The following MYO9B variants were observed in gnomAD, a reference collection of about 807,000 sequenced individuals.
The protein encoded by MYO9B is myosin IXB, also known as unconventional myosin-IXb.
A neutral mutation model predicts 229.5 loss-of-function variants in MYO9B; 71 were observed. The ratio of observed to expected loss-of-function variants is 0.31; its 90% CI spans 0.26 to 0.38. MYO9B has a LOEUF of 0.38. Among genes scored for constraint, MYO9B ranks in the 10% least tolerant of loss-of-function variants. The pLI is 1.00. For missense variants in MYO9B, 2,255 were observed against 2,920.5 expected (o/e 0.77, Z 5.25); for synonymous variants, 1,185 against 1,235.8 (o/e 0.96, Z 0.86).
At chr19:17,160,666 C>G (rs567033036) in intron 8 of MYO9B, among the ~76,000 whole-genome samples, 166 of 151,606 alleles carry the variant, frequency 1.1e-3, no homozygotes, top group African/African-American at 3.8e-3. Flanking sequence ...CGCCACTAGG[C>G]CTGGCTAATT....
intron 2 of MYO9B, 60 bp from the exon 3 acceptor site, chr19:17,145,337 A>G: frequency 6.9e-7 from 1 of 1,456,072 alleles, no homozygotes; most frequent in South Asian, 1.2e-5. Flanking sequence ...AATGAGAGGA[A>G]AAAAAAGAAA....
At chr19:17,201,883 C>T (rs2073109797) in intron 26 of MYO9B, 43 bp from the exon 27 acceptor site, 2 of 1,515,298 alleles carry the variant, frequency 1.3e-6, no homozygotes, top group African/African-American at 1.4e-5. Context: ...TACGCAGGTC[C>T]CCAGGCCTGA....
At chr19:17,109,307 C>T (rs912013654) in intron 2 of MYO9B, among the ~76,000 whole-genome samples, 1 of 149,776 alleles carries the variant, frequency 6.7e-6, no homozygotes, top group Middle Eastern at 3.7e-3. Context: ...CCTCGTGGTC[C>T]GCCCACCTCA....
chr19:17,092,364 G>T (rs2057645978), intron 1 of MYO9B, among the ~76,000 whole-genome samples: 1 of 152,370 alleles, frequency 6.6e-6, no homozygotes, highest in South Asian at 2.1e-4. Flanking sequence ...ACATACACAG[G>T]TGTACGCATG....
intron 18 of MYO9B, 37 bp downstream of exon 18, chr19:17,186,038 A>G: frequency 1.3e-6 from 2 of 1,585,402 alleles, no homozygotes; most frequent in South Asian, 1.1e-5. Context: ...GAGAAGGCCC[A>G]TGCCGGACTC....
chr19:17,096,768 T>C (rs1338513556), intron 1 of MYO9B, among the ~76,000 whole-genome samples: 1 of 144,940 alleles, frequency 6.9e-6, no homozygotes, highest in African/African-American at 2.5e-5. Flanking sequence ...TGCAGTGGCA[T>C]GATCTCAGCT....
intron 15 of MYO9B, 149 bp from the exon 16 acceptor site, chr19:17,183,680 G>A: frequency 3.2e-6 from 2 of 632,214 alleles, no homozygotes; most frequent in South Asian, 4.0e-5. Flanking sequence ...TGGAGAGGTG[G>A]CGGTGGCCTT....
At position 17,211,905 on chromosome 19, in the gene MYO9B, G is replaced by A. The variant is rs375938399; in HGVS notation, c.6069G>A (p.Ala2023=). 8.8e-5 allele frequency: 139 copies of A among 1,580,154 alleles called. No homozygotes were observed. The African/African-American group carries it at 1.6e-3, about 19-fold the overall frequency. ...AGRGASEGPP[A]PALPCPGAPT... is the part of the protein sequence containing the mutation. ...TCTGTCTCTCAAAAGGGCCCCCTGC[G>A]CCTGCTCTCCCTTGCCCCGGCGCGC... Residue 2023 remains alanine, a synonymous_variant, in exon 40 of 40, where the codon GCG becomes GCA. Transcript: ENST00000682292.
intron 2 of MYO9B, among the ~76,000 whole-genome samples, chr19:17,116,144 C>T (rs892544018): frequency 2.0e-5 from 3 of 152,136 alleles, no homozygotes; most frequent in African/African-American, 7.2e-5. Context: ...ATCAGCAGGC[C>T]CCATCTCTTG....
intron 23 of MYO9B, 159 bp from the exon 24 acceptor site, chr19:17,198,025 G>A (rs948089332): frequency 3.4e-5 from 45 of 1,325,328 alleles, no homozygotes; most frequent in Admixed American, 7.1e-5. Context: ...CCAGGCCACT[G>A]CACTCCAGCC....
chr19:17,158,838 G>A (rs1012671220), intron 7 of MYO9B, among the ~76,000 whole-genome samples: 1 of 152,206 alleles, frequency 6.6e-6, no homozygotes, highest in Non-Finnish European at 1.5e-5. Context: ...CCCGGGCCAC[G>A]GAGCATGAGC....
At position 17,194,602 on chromosome 19, in the gene MYO9B, A is replaced by G; in HGVS notation, c.3175A>G (p.Arg1059Gly). The G allele has an allele frequency of 3.7e-6, 6 of 1,612,808 alleles. No individual in the cohort carries two copies. The highest frequency in any genetic ancestry group is 3.4e-6 in the Non-Finnish European group (4 of 1,179,848). The change falls in exon 22 of 40, where the codon AGG (arginine) becomes GGG (glycine). Residue 1059 changes from arginine (R) to glycine (G), a missense_variant. By Grantham distance (125) the Arg-to-Gly change is moderately radical. This residue lies in a region of MYO9B where 679 missense variants were observed against 770.2 expected (regional missense o/e 0.88). Transcript: ENST00000682292. ...GAAGCAGAAGGCAGAAGAGAAGGAGAGGGAAGCCCTGGAAGCCGCAAGAGC... is the reference window on the plus strand; with the variant it reads ...GAAGCAGAAGGCAGAAGAGAAGGAGGGGGAAGCCCTGGAAGCCGCAAGAGC... Reference protein sequence around the residue: ...SEKQKAEEKEREALEAARAGA... With the variant: ...SEKQKAEEKEGEALEAARAGA...
intron 2 of MYO9B, among the ~76,000 whole-genome samples, chr19:17,123,424 T>TTGTGTGTGTGTGTGTGTGTGTG (rs3222984): frequency 1.4e-5 from 2 of 146,824 alleles, no homozygotes; most frequent in East Asian, 2.0e-4. Context: ...CAGTAGAAAT[T>TTGTGTGTGTGTGTGTGTGTGTG]TGTGTGTGTG....
intron 20 of MYO9B, 59 bp downstream of exon 20, chr19:17,191,278 C>T (rs1207661280): frequency 1.2e-5 from 19 of 1,550,870 alleles, no homozygotes; most frequent in Non-Finnish European, 1.6e-5. Context: ...CACCGCACAC[C>T]GTGTCTCCCC....
At chr19:17,076,069 G>T (rs892394686) in intron 1 of MYO9B, among the ~76,000 whole-genome samples, 195 bp downstream of exon 1, 14 of 151,272 alleles carry the variant, frequency 9.3e-5, no homozygotes, top group Non-Finnish European at 1.9e-4. Flanking sequence ...AAAGTGGATG[G>T]GGATGGAGCT....
intron 1 of MYO9B, among the ~76,000 whole-genome samples, chr19:17,098,089 C>G (rs1245655137): frequency 4.2e-5 from 6 of 144,494 alleles, no homozygotes; most frequent in African/African-American, 1.5e-4. Flanking sequence ...GAGTCTCACT[C>G]TGTCGCCCAG....
intron 23 of MYO9B, 125 bp downstream of exon 23, chr19:17,197,983 G>T: frequency 7.2e-7 from 1 of 1,387,346 alleles, no homozygotes; most frequent in Non-Finnish European, 9.9e-7. Flanking sequence ...GAACGCAGTG[G>T]CAGGGTAGAG....
intron 14 of MYO9B, 74 bp downstream of exon 14, chr19:17,175,815 T>A: frequency 1.0e-6 from 1 of 1,001,028 alleles, no homozygotes; most frequent in Non-Finnish European, 1.4e-6. Flanking sequence ...ACTTAGGGAA[T>A]GCTACATTCT....
At chr19:17,089,517 C>A (rs1240410009) in intron 1 of MYO9B, among the ~76,000 whole-genome samples, 4 of 152,192 alleles carry the variant, frequency 2.6e-5, no homozygotes, top group Non-Finnish European at 5.9e-5. Flanking sequence ...TCCGAATCCT[C>A]CGCCAAACTG....
Sources: allele counts gnomAD v4.1 joint callset (sites outside exome capture counted in the v4.1 genomes callset), GRCh38; gene constraint gnomAD v4.1.1; regional missense constraint gnomAD v4.1.1; transcripts MANE v1.5; gene names NCBI Gene and HGNC (gene_info 2026-07-23, HGNC 2026-07-21).